Variants in TUBGCP3 observed in about 807,000 individuals in gnomAD.
The protein encoded by TUBGCP3 is tubulin gamma complex component 3.
Under a neutral mutation model 123.1 loss-of-function variants are expected in TUBGCP3, and 50 were observed. The observed-to-expected ratio is 0.41, with a 90% CI of 0.32 to 0.51. TUBGCP3 has a LOEUF of 0.51. TUBGCP3 is among the 20% of genes least tolerant of loss of function. The pLI, the probability that TUBGCP3 is intolerant of heterozygous loss-of-function variation, is 0.36. For missense variants in TUBGCP3, 882 were observed against 1,127.0 expected (o/e 0.78, Z 3.11); for synonymous variants, 405 against 413.9 (o/e 0.98, Z 0.26).
At chr13:112,599,618 T>C in the TUBGCP3 span, among the ~76,000 whole-genome samples, 2 of 152,210 alleles carry the variant, frequency 1.3e-5, no homozygotes, top group African/African-American at 4.8e-5. Flanking sequence ...GAGATTCTCC[T>C]ACCTCAGCCT....
chr13:112,584,088 G>A (rs1273645993), intron 1 of TUBGCP3: 6 of 152,188 alleles, frequency 3.9e-5, no homozygotes, highest in Non-Finnish European at 4.4e-5. Context: ...CCTTCCCACA[G>A]GCAATCAACG....
At chr13:112,520,969 T>G (rs1047321372) in intron 14 of TUBGCP3, among the ~76,000 whole-genome samples, 1 of 152,064 alleles carries the variant, frequency 6.6e-6, no homozygotes, top group South Asian at 2.1e-4. Context: ...TGAGGAGAAA[T>G]GAATTTTTCA....
intron 21 of TUBGCP3, among the ~76,000 whole-genome samples, chr13:112,486,598 G>C (rs1394288443): frequency 6.6e-6 from 1 of 152,222 alleles, no homozygotes; most frequent in Non-Finnish European, 1.5e-5. Flanking sequence ...GAGAGCATCA[G>C]TCGGGTCTTT....
chr13:112,498,652 C>A (rs1249288499), intron 20 of TUBGCP3, among the ~76,000 whole-genome samples: 1 of 152,220 alleles, frequency 6.6e-6, no homozygotes, highest in Non-Finnish European at 1.5e-5. Flanking sequence ...AGTTGAGGAG[C>A]ACCTGTAGAT....
In TUBGCP3 at chr13:112,558,245, G is replaced by A. The variant is rs760670759; in HGVS notation, c.499C>T (p.Leu167=). 1.9e-6 allele frequency: 3 copies of A among 1,612,450 alleles called. No homozygotes were observed. The African/African-American group carries it at 4.0e-5, about 22-fold the overall frequency. ...GGCGCGGGGCCACTGAGGGCACACA[G>A]GCCAATGCTGCTGATGCCACTGCTG... ...VGSSGISSIG[L]CALSGPAPAP... is the part of the protein sequence containing the mutation. Residue 167 remains leucine, a synonymous_variant, in exon 5 of 22, where the codon CTG becomes TTG. Transcript: ENST00000261965.
intron 8 of TUBGCP3, among the ~76,000 whole-genome samples, chr13:112,551,889 G>C (rs961931223): frequency 1.3e-5 from 2 of 152,080 alleles, no homozygotes; most frequent in Admixed American, 1.3e-4. Context: ...GGGATGGGGG[G>C]GCAGAGTGGT....
At chr13:112,525,745 T>C (rs1347800831) in intron 13 of TUBGCP3, among the ~76,000 whole-genome samples, 1 of 152,182 alleles carries the variant, frequency 6.6e-6, no homozygotes, top group Non-Finnish European at 1.5e-5. Context: ...ATAAGTGCAA[T>C]AAGTCCTGGC....
intron 11 of TUBGCP3, among the ~76,000 whole-genome samples, chr13:112,542,302 A>G (rs1051862745): frequency 3.3e-5 from 5 of 152,208 alleles, no homozygotes; most frequent in African/African-American, 1.2e-4. Context: ...CATTCTAAAT[A>G]ATCAATTGCA....
rs1426104604 is a variant in TUBGCP3, at chr13:112,495,326, C to T, written c.2448+3719G>A. Among the ~76,000 whole-genome samples, 5 of 152,222 alleles carry T rather than the reference C, an allele frequency of 3.3e-5. No homozygotes were observed. The East Asian group carries it at 7.7e-4, about 23-fold the overall frequency. On this transcript the variant is annotated intron_variant, in intron 20 of 21. Transcript: ENST00000261965. The stretch of plus-strand genomic sequence containing the variant: ...CCAGCTTTCCTTCCTTCTCTCTGTA[C>T]TTCCTCTCAGCTCGTAGCCCTGGCT...
intron 21 of TUBGCP3, among the ~76,000 whole-genome samples, chr13:112,487,889 T>C (rs1365089023): frequency 1.3e-5 from 2 of 151,944 alleles, no homozygotes; most frequent in African/African-American, 4.8e-5. Context: ...CCCAGCACTT[T>C]GGGAAGCTGA....
intron 11 of TUBGCP3, chr13:112,544,706 G>T (rs1323165514): frequency 6.6e-6 from 1 of 152,128 alleles, no homozygotes; most frequent in Non-Finnish European, 1.5e-5. Flanking sequence ...ACACCATCGG[G>T]AAAGTGCTAC....
intron 17 of TUBGCP3, among the ~76,000 whole-genome samples, chr13:112,512,426 T>TC (rs1555338709): frequency 1.0e-4 from 6 of 57,712 alleles, no homozygotes; most frequent in African/African-American, 6.0e-4. Flanking sequence ...AGACTCTGTC[T>TC]CAAAAAAAAA....
At chr13:112,595,671 A>G in the TUBGCP3 span, among the ~76,000 whole-genome samples, 1 of 150,524 alleles carries the variant, frequency 6.6e-6, no homozygotes, top group Non-Finnish European at 1.5e-5. Context: ...ATATTTTTCT[A>G]TTTTTTTCCC....
chr13:112,504,485 CAAAAAAAAAAA>C, intron 18 of TUBGCP3, 130 bp downstream of exon 18: 2 of 359,054 alleles, frequency 5.6e-6, no homozygotes, highest in East Asian at 5.0e-5. Context: ...GACTCCATCT[CAAAAAAAAAAA>C]AAAAGAAAAA....
At chr13:112,564,058 A>G (rs1880757136) in intron 3 of TUBGCP3, among the ~76,000 whole-genome samples, 1 of 137,752 alleles carries the variant, frequency 7.3e-6, no homozygotes, top group African/African-American at 2.9e-5. Flanking sequence ...TTAAAAATGG[A>G]GAAAGATTTA....
chr13:112,513,030 T>G (rs2139036248), intron 17 of TUBGCP3, among the ~76,000 whole-genome samples: 1 of 152,248 alleles, frequency 6.6e-6, no homozygotes. Context: ...ATTTTATTTC[T>G]AATAAAGACC....
At chr13:112,597,914 A>G in the TUBGCP3 span, among the ~76,000 whole-genome samples, 1 of 152,098 alleles carries the variant, frequency 6.6e-6, no homozygotes, top group African/African-American at 2.4e-5. Flanking sequence ...GGCCAGTGAC[A>G]CTCCCAATAT....
At chr13:112,506,355 C>G (rs570109481) in intron 17 of TUBGCP3, among the ~76,000 whole-genome samples, 1 of 152,356 alleles carries the variant, frequency 6.6e-6, no homozygotes, top group South Asian at 2.1e-4. Flanking sequence ...ATGGCTATGA[C>G]TGATGTATCA....
chr13:112,515,518 C>T (rs993024568), intron 17 of TUBGCP3, among the ~76,000 whole-genome samples: 2 of 152,216 alleles, frequency 1.3e-5, no homozygotes, highest in Non-Finnish European at 2.9e-5. Context: ...CGCAGAGCCC[C>T]AGGCGTGCAT....
Sources: allele counts gnomAD v4.1 joint callset (sites outside exome capture counted in the v4.1 genomes callset), GRCh38; gene constraint gnomAD v4.1.1; transcripts MANE v1.5; gene names NCBI Gene and HGNC (gene_info 2026-07-23, HGNC 2026-07-21).